PDE4C: variants seen among roughly 807,000 people sequenced by gnomAD.
PDE4C encodes phosphodiesterase 4C.
PDE4C carries 50 observed loss-of-function variants against 63.9 expected under a neutral mutation model. The ratio of observed to expected loss-of-function variants is 0.78; its 90% CI spans 0.62 to 0.99. PDE4C has a LOEUF of 0.99. Ranked by LOEUF, PDE4C falls within the 50% of genes least tolerant of loss-of-function variation. The probability of loss-of-function intolerance (pLI) is 0.00; values close to 1 mark genes in which losing one functional copy is unlikely to be tolerated. For missense variants in PDE4C, 777 were observed against 899.1 expected (o/e 0.86, Z 1.74); for synonymous variants, 377 against 385.1 (o/e 0.98, Z 0.25).
chr19:18,226,109 T>C (rs1968709189), intron 1 of PDE4C, among the ~76,000 whole-genome samples, 161 bp downstream of exon 1: 1 of 151,104 alleles, frequency 6.6e-6, no homozygotes, highest in Admixed American at 6.6e-5. Context: ...TAAGGTAGGG[T>C]AGAGGGAGAG....
chr19:18,236,531 T>C (rs1442077885), upstream of PDE4C, among the ~76,000 whole-genome samples: 10 of 152,168 alleles, frequency 6.6e-5, no homozygotes, highest in Non-Finnish European at 1.3e-4. Context: ...GCCCTCAGGT[T>C]AAGTTTAAAT....
rs746699082 is a variant in PDE4C at position 18,211,880 on chromosome 19, T to C, written c.1574A>G (p.Tyr525Cys). ...CATGATGCGGTCCGTCCACTGGCGGTACAGGGGCAGCGGCTTGGTGGGGTT... is the reference window on the plus strand; with the variant it reads ...CATGATGCGGTCCGTCCACTGGCGGCACAGGGGCAGCGGCTTGGTGGGGTT... Residue 525 changes from tyrosine to cysteine, a missense_variant, in exon 14 of 15, where the codon TAC becomes TGC. Tyr to Cys is a radical substitution (Grantham distance 194, BLOSUM62 -2). Transcript: ENST00000262805. 35 of 1,614,018 alleles carry C rather than the reference T, an allele frequency of 2.2e-5. No individual in the cohort carries two copies. The highest frequency in any genetic ancestry group is 2.8e-5 in the Non-Finnish European group (33 of 1,180,024).
exon 12 of PDE4C, chr19:18,216,834 C>G (rs1392456843): frequency 6.2e-7 from 1 of 1,614,078 alleles, no homozygotes; most frequent in Non-Finnish European, 8.5e-7. Flanking sequence ...GCTTGAAGCC[C>G]ACAGCCAGGT....
chr19:18,212,821 G>A (rs919666509), intron 13 of PDE4C, among the ~76,000 whole-genome samples: 37 of 151,276 alleles, frequency 2.4e-4, no homozygotes, highest in Admixed American at 1.1e-3. Context: ...CCGAGTAGCT[G>A]AGATTACAGG....
chr19:18,226,128 A>G, intron 1 of PDE4C, 142 bp downstream of exon 1: 2 of 650,086 alleles, frequency 3.1e-6, no homozygotes, highest in Non-Finnish European at 5.4e-6. Context: ...AGAGATACAG[A>G]GAAAGCGAGG....
upstream of PDE4C, among the ~76,000 whole-genome samples, chr19:18,238,059 A>C (rs1235919069): frequency 1.3e-5 from 2 of 151,980 alleles, no homozygotes; most frequent in African/African-American, 4.8e-5. Flanking sequence ...CACTAGCTCT[A>C]CAAAAAATAA....
chr19:18,221,401 TC>T, intron 2 of PDE4C, 104 bp from the exon 3 acceptor site: 1 of 1,204,468 alleles, frequency 8.3e-7, no homozygotes, highest in South Asian at 1.4e-5. Context: ...GGACTTCTCC[TC>T]CAGGCTCCTT....
upstream of PDE4C, among the ~76,000 whole-genome samples, chr19:18,234,785 G>A (rs117640838): frequency 9.2e-4 from 140 of 152,236 alleles, no homozygotes; most frequent in Middle Eastern, 3.4e-3. Flanking sequence ...AAACATTTGG[G>A]CCAGGATGTC....
chr19:18,254,085 C>T, the PDE4C span, among the ~76,000 whole-genome samples: 1 of 152,162 alleles, frequency 6.6e-6, no homozygotes, highest in African/African-American at 2.4e-5. Context: ...GTGGGGATGA[C>T]GGCTGAGTCT....
At chr19:18,226,528 C>T (rs561443176), upstream of PDE4C, 2 of 787,736 alleles carry the variant, frequency 2.5e-6, no homozygotes, top group Non-Finnish European at 3.5e-6. Context: ...GGCCCCGCCT[C>T]GAGGCCGGCG....
chr19:18,226,524 G>A (rs1436334082), upstream of PDE4C: 4 of 833,694 alleles, frequency 4.8e-6, no homozygotes, highest in Admixed American at 8.8e-5. Context: ...CATCGGCCCC[G>A]CCTCGAGGCC....
At chr19:18,219,503 C>T in intron 7 of PDE4C, 106 bp from the exon 8 acceptor site, 1 of 1,290,530 alleles carries the variant, frequency 7.7e-7, no homozygotes, top group Non-Finnish European at 1.0e-6. Context: ...ATTTCCCTTT[C>T]TACAGGAACC....
intron 1 of PDE4C, chr19:18,225,468 C>T (rs1267507687): frequency 1.3e-5 from 2 of 152,322 alleles, no homozygotes; most frequent in African/African-American, 2.4e-5. Flanking sequence ...CTCCCTCCAA[C>T]CCCAGCTATG....
At chr19:18,227,460 G>T (rs566044260), upstream of PDE4C, among the ~76,000 whole-genome samples, 1 of 152,218 alleles carries the variant, frequency 6.6e-6, no homozygotes, top group African/African-American at 2.4e-5. Context: ...CTTCTGTCCT[G>T]CGAAACCTCA....
chr19:18,250,259 C>T (rs1969216462), upstream of PDE4C: 4 of 398,936 alleles, frequency 1.0e-5, no homozygotes, highest in South Asian at 2.5e-4. Context: ...ATAGCAGCTC[C>T]CCCAACCATG....
intron 1 of PDE4C, among the ~76,000 whole-genome samples, chr19:18,243,249 A>G (rs1969075379): frequency 6.6e-6 from 1 of 152,076 alleles, no homozygotes; most frequent in African/African-American, 2.4e-5. Context: ...AGCTGGGATT[A>G]CAGGTGCCCA....
upstream of PDE4C, among the ~76,000 whole-genome samples, chr19:18,228,057 C>T (rs1290769513): frequency 6.6e-6 from 1 of 152,120 alleles, no homozygotes; most frequent in Non-Finnish European, 1.5e-5. Context: ...GTCCCCAAGA[C>T]AAAAATACCA....
At chr19:18,224,603 T>A (rs536260390) in intron 1 of PDE4C, 1 of 781,482 alleles carries the variant, frequency 1.3e-6, no homozygotes, top group African/African-American at 1.9e-5. Flanking sequence ...TAAGTCCGGT[T>A]ACGCTCGGTC....
intron 12 of PDE4C, among the ~76,000 whole-genome samples, chr19:18,216,031 A>C (rs1412610190): frequency 6.6e-6 from 1 of 151,266 alleles, no homozygotes; most frequent in East Asian, 2.0e-4. Flanking sequence ...GGGTTTCACC[A>C]TGTTGATCAA....
Sources: allele counts gnomAD v4.1 joint callset (sites outside exome capture counted in the v4.1 genomes callset), GRCh38; gene constraint gnomAD v4.1.1; transcripts MANE v1.5; gene names NCBI Gene and HGNC (gene_info 2026-07-23, HGNC 2026-07-21).